The following WDR19 variants were observed in gnomAD, a reference collection of about 807,000 sequenced individuals.
WDR19 encodes the protein WD repeat domain 19.
A neutral mutation model predicts 180.0 loss-of-function variants in WDR19; 121 were observed. The ratio of observed to expected loss-of-function variants is 0.67; its 90% CI spans 0.58 to 0.78. The LOEUF is 0.78. WDR19 is among the 30% of genes least tolerant of loss of function. The pLI is 0.00. For synonymous variants in WDR19, 497 were observed against 540.7 expected (o/e 0.92, Z 1.12); for missense variants, 1,450 against 1,640.7 (o/e 0.88, Z 2.01).
At chr4:39,281,203 A>ATGTGTGTGTGTGTGTG (rs1254088982) in intron 36 of WDR19, among the ~76,000 whole-genome samples, 7 of 74,284 alleles carry the variant, frequency 9.4e-5, no homozygotes, top group East Asian at 6.3e-4. Context: ...TCCTAAATAT[A>ATGTGTGTGTGTGTGTG]TATGTGTGTG....
intron 24 of WDR19, among the ~76,000 whole-genome samples, chr4:39,250,537 C>T (rs1050946667): frequency 3.3e-5 from 5 of 152,054 alleles, no homozygotes; most frequent in South Asian, 2.1e-4. Flanking sequence ...AAATAAAGGG[C>T]ATTCAATTAG....
At chr4:39,194,911 A>G (rs1262838493) in intron 5 of WDR19, 2 of 404,310 alleles carry the variant, frequency 4.9e-6, no homozygotes, top group Non-Finnish European at 8.9e-6. Context: ...CATTAACAGC[A>G]TGGCTTCCAT....
intron 28 of WDR19, among the ~76,000 whole-genome samples, chr4:39,262,197 C>T (rs1461267517): frequency 6.6e-6 from 1 of 152,164 alleles, no homozygotes; most frequent in African/African-American, 2.4e-5. Context: ...TCCTTTCCTT[C>T]CCACTTACCT....
At chr4:39,190,166 C>T (rs746991564) in intron 4 of WDR19, among the ~76,000 whole-genome samples, 1 of 152,164 alleles carries the variant, frequency 6.6e-6, no homozygotes, top group Non-Finnish European at 1.5e-5. Context: ...GATTCTCACC[C>T]ACGACTACTG....
At chr4:39,248,285 T>G (rs1427432783) in intron 24 of WDR19, among the ~76,000 whole-genome samples, 1 of 151,890 alleles carries the variant, frequency 6.6e-6, no homozygotes. Context: ...TAAAATACTT[T>G]ACAGACAAGC....
At chr4:39,245,515 T>A in intron 24 of WDR19, 63 bp downstream of exon 24, 1 of 1,515,162 alleles carries the variant, frequency 6.6e-7, no homozygotes, top group Non-Finnish European at 9.0e-7. Flanking sequence ...AATTAACCAT[T>A]GATATTTGCA....
rs561009023 is a variant in WDR19 at position 39,189,865 on chromosome 4, T to C, written c.290+84T>C. 18 of 1,408,162 alleles carry C rather than the reference T, an allele frequency of 1.3e-5. No homozygotes were observed. In the African/African-American group the frequency reaches 1.6e-4, roughly 13 times the overall value. 87.2% of individuals were successfully genotyped at this position (1,408,162 alleles called of 1,614,324 possible). A position where few individuals can be genotyped will look rare whatever the true frequency, so the allele number is the denominator to read the frequency against. ...TGGTGCTAACAATTCTTTACTACTT[T>C]CATTTTAAAGATTCCTCAATGAGTT... On this transcript the variant is annotated intron_variant, in intron 4 of 36. Coordinates refer to ENST00000399820, the MANE Select transcript of WDR19 (RefSeq NM_025132.4).
At chr4:39,226,780 A>G (rs1009929963) in intron 15 of WDR19, among the ~76,000 whole-genome samples, 2 of 152,248 alleles carry the variant, frequency 1.3e-5, no homozygotes, top group African/African-American at 4.8e-5. Flanking sequence ...TGAACCAAAT[A>G]TGTAATTAAA....
chr4:39,253,787 A>G, intron 25 of WDR19, 119 bp from the exon 26 acceptor site: 1 of 877,642 alleles, frequency 1.1e-6, no homozygotes, highest in Non-Finnish European at 1.7e-6. Context: ...TCAAAAAAAA[A>G]AAAAAGAACT....
chr4:39,192,201 A>G lies in WDR19; in HGVS notation c.291-2343A>G, dbSNP rs553046744. On this transcript the variant is annotated intron_variant, in intron 4 of 36. Transcript: ENST00000399820. ...ATATATGATCACTGTTGCTGATCAG[A>G]TCTTGTTCTTGTTATACAGTTTTCT... 3.9e-5 allele frequency among the ~76,000 whole-genome samples: 6 copies of G among 152,340 alleles called. No individual in the cohort carries two copies. The East Asian group carries it at 1.2e-3, about 29-fold the overall frequency.
At chr4:39,194,480 T>C (rs1282636319) in intron 4 of WDR19, 64 bp from the exon 5 acceptor site, 2 of 1,045,586 alleles carry the variant, frequency 1.9e-6, no homozygotes, top group Non-Finnish European at 1.4e-6. Context: ...GGAGTACTTT[T>C]TTAAAGGACT....
intron 3 of WDR19, among the ~76,000 whole-genome samples, chr4:39,187,359 G>T (rs1036039424): frequency 6.7e-6 from 1 of 150,204 alleles, no homozygotes; most frequent in Admixed American, 6.7e-5. Flanking sequence ...GGTGGAGGTT[G>T]CAGTGAGCCG....
chr4:39,205,947 G>C, intron 9 of WDR19: 1 of 482,416 alleles, frequency 2.1e-6, no homozygotes, highest in Admixed American at 3.6e-5. Context: ...GTAGTTCTGG[G>C]TAACATGGAG....
At chr4:39,239,659 AC>A (rs753933675) in intron 20 of WDR19, among the ~76,000 whole-genome samples, 17 of 152,192 alleles carry the variant, frequency 1.1e-4, no homozygotes, top group Non-Finnish European at 2.1e-4. Context: ...CTGCACGTGT[AC>A]CCCCGAATTT....
chr4:39,221,779 CTTT>C (rs753577907), intron 14 of WDR19, among the ~76,000 whole-genome samples: 3 of 152,152 alleles, frequency 2.0e-5, no homozygotes, highest in Non-Finnish European at 4.4e-5. Flanking sequence ...GTATGCACTA[CTTT>C]TTGTTTGTCT....
intron 27 of WDR19, among the ~76,000 whole-genome samples, chr4:39,256,758 GT>G (rs1307935634): frequency 6.6e-6 from 1 of 152,102 alleles, no homozygotes; most frequent in Non-Finnish European, 1.5e-5. Context: ...GCACCCAGCT[GT>G]TTCCATGGAA....
intron 10 of WDR19, 103 bp downstream of exon 10, chr4:39,214,774 T>A: frequency 1.2e-5 from 2 of 172,846 alleles, no homozygotes; most frequent in South Asian, 1.6e-4. Context: ...GGAGGAATAA[T>A]TTTTTTTTTT....
At chr4:39,251,941 T>A (rs1034380664) in intron 24 of WDR19, among the ~76,000 whole-genome samples, 7 of 152,132 alleles carry the variant, frequency 4.6e-5, no homozygotes, top group Admixed American at 2.6e-4. Context: ...ATTGTGGAAG[T>A]CGGTGTGGTG....
chr4:39,266,148 A>G lies in WDR19; in HGVS notation c.3261+8A>G, dbSNP rs1734770653. ...AACGATGGCATGCCTAAGGTACTGA[A>G]CACGTGGGCTTCGTGTGCATCCTCA... On this transcript the variant is annotated splice_region_variant and intron_variant, in intron 29 of 36. Transcript: ENST00000399820. The G allele has an allele frequency of 6.4e-7, 1 of 1,550,598 alleles. No individual in the cohort carries two copies. Among genetic ancestry groups the G allele is most frequent in the East Asian group, 2.4e-5 (1 of 41,420 alleles).
Sources: gnomAD v4.1 joint callset for allele counts (sites outside exome capture counted in the v4.1 genomes callset) on GRCh38, gnomAD v4.1.1 for gene constraint, MANE v1.5 for transcripts, NCBI Gene and HGNC (gene_info 2026-07-23, HGNC 2026-07-21) for gene names.